REV1: variants seen among roughly 807,000 people sequenced by gnomAD.
REV1 encodes the protein translesion synthesis protein REV1.
REV1 carries 42 observed loss-of-function variants against 137.4 expected under a neutral mutation model. The ratio of observed to expected loss-of-function variants is 0.31; its 90% CI spans 0.24 to 0.40. REV1 has a LOEUF of 0.40. Among genes scored for constraint, REV1 ranks in the 10% least tolerant of loss-of-function variants. The probability of loss-of-function intolerance (pLI) is 1.00; values close to 1 mark genes in which losing one functional copy is unlikely to be tolerated. For missense variants in REV1, 1,282 were observed against 1,490.1 expected, an observed-to-expected ratio of 0.86 and a Z score of 2.30; for synonymous variants, 524 against 519.2, an observed-to-expected ratio of 1.01 and a Z score of -0.12.
rs1476419477 is a variant in REV1 at position 99,410,072 on chromosome 2, G to A, written c.2345+623C>T. On this transcript the variant is annotated intron_variant, in intron 14 of 22. Transcript: ENST00000258428. ...GTTGCCCAGGCAGGAGTGCACTGGCGCGATCTCAGCTCACTGCAACCTCTG... is the reference window on the plus strand; with the variant it reads ...GTTGCCCAGGCAGGAGTGCACTGGCACGATCTCAGCTCACTGCAACCTCTG... 3.3e-5 allele frequency among the ~76,000 whole-genome samples: 5 copies of A among 151,862 alleles called. 1 individual carries two copies. The highest frequency in any genetic ancestry group is 3.9e-4 in the East Asian group (2 of 5,114).
intron 5 of REV1, 63 bp downstream of exon 5, chr2:99,442,252 CAA>C (rs3070575): frequency 0.037 from 19,499 of 527,970 alleles, no homozygotes; most frequent in South Asian, 0.051. Context: ...AACTCCATCT[CAA>C]AAAAAAAAAA....
At chr2:99,468,324 T>G (rs1685049275) in intron 1 of REV1, among the ~76,000 whole-genome samples, 1 of 152,182 alleles carries the variant, frequency 6.6e-6, no homozygotes, top group African/African-American at 2.4e-5. Flanking sequence ...GATGACTGAT[T>G]TGCTTCTTTA....
chr2:99,437,692 T>C (rs1192200373), intron 6 of REV1, among the ~76,000 whole-genome samples: 1 of 152,182 alleles, frequency 6.6e-6, no homozygotes, highest in East Asian at 1.9e-4. Flanking sequence ...CAGAACTAAT[T>C]AATCATAGTT....
At chr2:99,472,615 G>T (rs1007372966) in intron 1 of REV1, among the ~76,000 whole-genome samples, 2 of 152,236 alleles carry the variant, frequency 1.3e-5, no homozygotes, top group East Asian at 3.8e-4. Context: ...GCAGTGGACA[G>T]GATCTTCAGG....
intron 3 of REV1, among the ~76,000 whole-genome samples, chr2:99,451,685 T>C: frequency 6.6e-6 from 1 of 152,130 alleles, no homozygotes; most frequent in Non-Finnish European, 1.5e-5. Context: ...TCACTCAATA[T>C]GAAAACTGCT....
At chr2:99,426,878 A>G (rs1679448966) in intron 9 of REV1, among the ~76,000 whole-genome samples, 2 of 152,110 alleles carry the variant, frequency 1.3e-5, no homozygotes, top group Non-Finnish European at 2.9e-5. Context: ...TTGGTGTTGG[A>G]TTCAACAATA....
At chr2:99,412,421 T>C (rs1185313339) in intron 13 of REV1, among the ~76,000 whole-genome samples, 1 of 152,180 alleles carries the variant, frequency 6.6e-6, no homozygotes, top group Non-Finnish European at 1.5e-5. Context: ...ACATTAAAAA[T>C]ATTTTTCTCA....
chr2:99,401,533 G>C (rs1675412796), intron 22 of REV1, among the ~76,000 whole-genome samples, 181 bp from the exon 23 acceptor site: 1 of 151,414 alleles, frequency 6.6e-6, no homozygotes, highest in Middle Eastern at 3.5e-3. Flanking sequence ...GATCACCTGA[G>C]GTCAGGAGTT....
intron 8 of REV1, among the ~76,000 whole-genome samples, 181 bp downstream of exon 8, chr2:99,434,151 T>C (rs1259624345): frequency 1.3e-5 from 2 of 152,224 alleles, no homozygotes; most frequent in Non-Finnish European, 2.9e-5. Context: ...CTTCACTCTC[T>C]ACTTCAGGAA....
At chr2:99,446,398 C>T (rs906774007) in intron 4 of REV1, among the ~76,000 whole-genome samples, 1 of 152,228 alleles carries the variant, frequency 6.6e-6, no homozygotes, top group Non-Finnish European at 1.5e-5. Context: ...TGAATTTTAA[C>T]TATCTAAGTT....
intron 6 of REV1, 68 bp downstream of exon 6, chr2:99,438,529 CCAAT>C (rs1283805614): frequency 8.8e-7 from 1 of 1,131,384 alleles, no homozygotes; most frequent in African/African-American, 1.6e-5. Context: ...ACCAGAAATA[CCAAT>C]AATAGCATAA....
At position 99,404,492 on chromosome 2, in the gene REV1, C is replaced by T. The variant is rs2290260; in HGVS notation, c.2997G>A (p.Ser999=). Residue 999 remains serine (S), a synonymous_variant, in exon 18 of 23, where the codon TCG becomes TCA. Transcript: ENST00000258428. The stretch of plus-strand genomic sequence containing the variant: ...TTAAATTTATTCCTGCGTCACTGTT[C>T]GATTCTTGAGGTTCTGGTATTTGCA... ...VLLQIPEPQE[S]NSDAGINLIA... is the part of the protein sequence containing the mutation. 3.7e-4 allele frequency: 597 copies of T among 1,614,066 alleles called. 6 individuals carry two copies. In the East Asian group the frequency reaches 0.012, roughly 32 times the overall value.
intron 11 of REV1, among the ~76,000 whole-genome samples, chr2:99,420,028 T>TA (rs1678456137): frequency 6.6e-6 from 1 of 152,076 alleles, no homozygotes; most frequent in South Asian, 2.1e-4. Flanking sequence ...TGCTTGAACT[T>TA]AAAAGAATGG....
chr2:99,423,647 C>CA lies in REV1; in HGVS notation c.1676+504dup, dbSNP rs1446390399. 2.6e-5 allele frequency among the ~76,000 whole-genome samples: 4 copies of CA among 152,194 alleles called. No homozygotes were observed. In the East Asian group the frequency reaches 7.7e-4, roughly 29 times the overall value. ...TAAAATTAATCACCTTTTCTCAAGCCAACTCATCAACCATTTTGAAACTAT... is the reference window on the plus strand; with the variant it reads ...TAAAATTAATCACCTTTTCTCAAGCCAAACTCATCAACCATTTTGAAACTAT... On this transcript the variant is annotated intron_variant, in intron 10 of 22. Coordinates refer to ENST00000258428, the MANE Select transcript of REV1 (RefSeq NM_016316.4).
intron 1 of REV1, among the ~76,000 whole-genome samples, chr2:99,470,074 TTGCACCAC>T (rs1375426226): frequency 1.3e-5 from 2 of 151,442 alleles, no homozygotes; most frequent in East Asian, 3.9e-4. Flanking sequence ...TGAGCCGAGA[TTGCACCAC>T]TGCACTCCAG....
intron 10 of REV1, 134 bp from the exon 11 acceptor site, chr2:99,421,787 AC>A: frequency 1.1e-6 from 1 of 949,426 alleles, no homozygotes; most frequent in Non-Finnish European, 1.5e-6. Flanking sequence ...TGGCTGAAGT[AC>A]CATTTTAGTC....
chr2:99,434,849 T>C (rs1680539920), intron 7 of REV1, among the ~76,000 whole-genome samples: 1 of 91,718 alleles, frequency 1.1e-5, no homozygotes, highest in Non-Finnish European at 2.1e-5. Context: ...TATCTCTCAA[T>C]TTTACGCAAC....
Position 99,458,558 on chromosome 2 carries a change from G to A in REV1, c.181+3938C>T, listed in dbSNP as rs1443878472. ...CAAAAACTAAAGATGTAACTATTAC[G>A]GGAACCAACAACTGTACTCTTCTTA... On this transcript the variant is annotated intron_variant, in intron 3 of 22. Coordinates refer to ENST00000258428, the MANE Select transcript of REV1 (RefSeq NM_016316.4). Among the ~76,000 whole-genome samples, 5 of 152,126 alleles carry A rather than the reference G, an allele frequency of 3.3e-5. No individual in the cohort carries two copies. In the East Asian group the frequency reaches 5.8e-4, roughly 18 times the overall value.
rs1685801016 is a variant in REV1 at position 99,474,873 on chromosome 2, G to A, written c.-10-9888C>T. On this transcript the variant is annotated intron_variant, in intron 1 of 22. Coordinates refer to ENST00000258428, the MANE Select transcript of REV1 (RefSeq NM_016316.4). ...GCCGAGATTGTGCCACTACACTCCA[G>A]CCTGGGCAACAGAGTGAGACTCCGT... Among the ~76,000 whole-genome samples, 3 of 151,630 alleles carry A rather than the reference G, an allele frequency of 2.0e-5. No homozygotes were observed. In the South Asian group the frequency reaches 6.2e-4, roughly 31 times the overall value.
Sources: allele counts gnomAD v4.1 joint callset (sites outside exome capture counted in the v4.1 genomes callset), GRCh38; gene constraint gnomAD v4.1.1; transcripts MANE v1.5; gene names NCBI Gene and HGNC (gene_info 2026-07-23, HGNC 2026-07-21).